Variants in FMNL2 observed in about 807,000 individuals in gnomAD.
FMNL2 encodes formin like 2.
In FMNL2, 51 loss-of-function variants were observed where a neutral mutation model predicts 130.2. The ratio of observed to expected loss-of-function variants is 0.39; its 90% confidence interval spans 0.31 to 0.49. The LOEUF (loss-of-function observed/expected upper bound fraction) is 0.49. Ranked by LOEUF, FMNL2 falls within the 20% of genes least tolerant of loss-of-function variation. The pLI is 0.85. For missense variants in FMNL2, 977 were observed against 1,316.2 expected, an observed-to-expected ratio of 0.74 and a Z score of 3.99; for synonymous variants, 465 against 467.1, an observed-to-expected ratio of 1.00 and a Z score of 0.06.
At chr2:152,390,654 T>C in intron 1 of FMNL2, 1 of 821,462 alleles carries the variant, frequency 1.2e-6, no homozygotes, top group Admixed American at 1.7e-5. Context: ...TTTTCCTCCC[T>C]GAACTCTTGG....
At chr2:152,625,097 T>C (rs1376340704) in intron 15 of FMNL2, 4 of 213,956 alleles carry the variant, frequency 1.9e-5, no homozygotes, top group Non-Finnish European at 2.8e-5. Flanking sequence ...TGAGTAATAA[T>C]CTTTGCTCTC....
At chr2:152,620,716 G>A (rs76439635) in intron 15 of FMNL2, among the ~76,000 whole-genome samples, 1,640 of 152,226 alleles carry the variant, frequency 0.011, 17 homozygotes, top group Non-Finnish European at 0.02. Flanking sequence ...TCCCTTCCAG[G>A]ATCCCATCTG....
intron 1 of FMNL2, among the ~76,000 whole-genome samples, chr2:152,362,620 T>G (rs1683246109): frequency 6.6e-6 from 1 of 152,002 alleles, no homozygotes; most frequent in Admixed American, 6.6e-5. Flanking sequence ...CAGAAGGTCC[T>G]GAGTGCCTTG....
intron 1 of FMNL2, among the ~76,000 whole-genome samples, chr2:152,504,049 G>A (rs1692008879): frequency 6.6e-6 from 1 of 152,130 alleles, no homozygotes; most frequent in African/African-American, 2.4e-5. Flanking sequence ...AAATTAGCCG[G>A]GCGTGGTGGC....
chr2:152,578,348 T>C (rs1333273627), intron 7 of FMNL2, among the ~76,000 whole-genome samples: 2 of 152,208 alleles, frequency 1.3e-5, no homozygotes. Flanking sequence ...AACACACATT[T>C]TGTATGTTAT....
intron 1 of FMNL2, among the ~76,000 whole-genome samples, chr2:152,391,524 T>A (rs1421507289): frequency 2.6e-5 from 4 of 152,004 alleles, no homozygotes; most frequent in Non-Finnish European, 5.9e-5. Flanking sequence ...AAGGGCAGCA[T>A]GCAGGAAGTC....
At chr2:152,359,494 T>TTTTC (rs1553866944) in intron 1 of FMNL2, among the ~76,000 whole-genome samples, 5 of 147,948 alleles carry the variant, frequency 3.4e-5, no homozygotes, top group East Asian at 4.0e-4. Flanking sequence ...TTTTTTTTTT[T>TTTTC]CACATAACAG....
intron 7 of FMNL2, chr2:152,578,620 C>A: frequency 1.2e-5 from 2 of 169,448 alleles, no homozygotes; most frequent in Admixed American, 7.6e-5. Flanking sequence ...AGATGTGGGT[C>A]TTGTTGTCCT....
At chr2:152,430,633 G>C (rs1409908634) in intron 1 of FMNL2, among the ~76,000 whole-genome samples, 2 of 152,176 alleles carry the variant, frequency 1.3e-5, no homozygotes, top group African/African-American at 4.8e-5. Context: ...AGCATTTTGG[G>C]AGGCCGAGGT....
At position 152,627,353 on chromosome 2, in the gene FMNL2, C is replaced by A. The variant is rs562134609; in HGVS notation, c.2165+626C>A. On this transcript the variant is annotated intron_variant, in intron 17 of 25. Coordinates refer to ENST00000288670, the MANE Select transcript of FMNL2 (RefSeq NM_052905.4). ...GGTTTTACTCCTCTATTAGAAGAATCCTTCTATTCTTCTTGTGGCCATGGT... is the reference window on the plus strand; with the variant it reads ...GGTTTTACTCCTCTATTAGAAGAATACTTCTATTCTTCTTGTGGCCATGGT... 9.2e-5 allele frequency among the ~76,000 whole-genome samples: 14 copies of A among 151,688 alleles called. 1 individual carries two copies. The East Asian group carries it at 1.8e-3, about 19-fold the overall frequency.
chr2:152,649,403 A>T lies in FMNL2; in HGVS notation c.*1498A>T, dbSNP rs1265537726. On this transcript the variant is annotated 3_prime_UTR_variant, in exon 26 of 26. Coordinates refer to ENST00000288670, the MANE Select transcript of FMNL2 (RefSeq NM_052905.4). ...TTTTTTTTAATATATATATTTAACT[A>T]TAAGGACAGTTTAGGGAACAAGTTA... 2 of 152,490 alleles carry T rather than the reference A, an allele frequency of 1.3e-5. No homozygotes were observed. Among genetic ancestry groups the T allele is most frequent in the Admixed American group, 1.3e-4 (2 of 15,264 alleles). 9.4% of individuals were successfully genotyped at this position (152,490 alleles called of 1,614,324 possible).
chr2:152,523,013 C>T (rs16831280), intron 2 of FMNL2, among the ~76,000 whole-genome samples: 3,262 of 152,060 alleles, frequency 0.021, 115 homozygotes, highest in African/African-American at 0.076. Flanking sequence ...GCCCCAATGC[C>T]GTGTGCACGC....
intron 1 of FMNL2, among the ~76,000 whole-genome samples, chr2:152,502,331 T>G (rs1558918325): frequency 6.6e-6 from 1 of 152,248 alleles, no homozygotes; most frequent in Non-Finnish European, 1.5e-5. Flanking sequence ...TTATAACATT[T>G]ATTTTTCACA....
At chr2:152,525,937 C>A (rs1558937764) in intron 2 of FMNL2, among the ~76,000 whole-genome samples, 1 of 152,090 alleles carries the variant, frequency 6.6e-6, no homozygotes, top group Non-Finnish European at 1.5e-5. Flanking sequence ...TTTTTAAACC[C>A]TTTACTTGTG....
At chr2:152,619,859 G>C in intron 15 of FMNL2, 141 bp downstream of exon 15, 1 of 1,446,192 alleles carries the variant, frequency 6.9e-7, no homozygotes. Flanking sequence ...TGCTGATGTA[G>C]CCGATAGAGG....
In FMNL2 at chr2:152,447,115, G is replaced by A. The variant is rs13404820; in HGVS notation, c.118-74828G>A. 4.7e-3 allele frequency among the ~76,000 whole-genome samples: 677 copies of A among 143,486 alleles called. 7 individuals are homozygous for A. Among genetic ancestry groups the A allele is most frequent in the South Asian group, 0.018 (80 of 4,514 alleles). 94.1% of individuals were successfully genotyped at this position (143,486 alleles called of 152,430 possible). ...GAATAAACTCACTTTTTTTTTTTTTGGAGACAAGTTTCTTACTTTGTTGCC... is the reference window on the plus strand; with the variant it reads ...GAATAAACTCACTTTTTTTTTTTTTAGAGACAAGTTTCTTACTTTGTTGCC... On this transcript the variant is annotated intron_variant, in intron 1 of 25. Coordinates refer to ENST00000288670, the MANE Select transcript of FMNL2 (RefSeq NM_052905.4).
chr2:152,499,993 G>A (rs1691722913), intron 1 of FMNL2, among the ~76,000 whole-genome samples: 1 of 152,068 alleles, frequency 6.6e-6, no homozygotes, highest in Admixed American at 6.5e-5. Flanking sequence ...AAGTCTGTCT[G>A]CTTTCTCTTT....
At chr2:152,388,891 G>T (rs879083394) in intron 1 of FMNL2, among the ~76,000 whole-genome samples, 2 of 152,160 alleles carry the variant, frequency 1.3e-5, no homozygotes, top group Non-Finnish European at 2.9e-5. Context: ...TAGAACTCAT[G>T]ACTGTTTAAA....
At chr2:152,543,729 CAAAA>C (rs71394490) in intron 3 of FMNL2, among the ~76,000 whole-genome samples, 1 of 61,390 alleles carries the variant, frequency 1.6e-5, no homozygotes. Context: ...ACCCCCCGAC[CAAAA>C]AAAAAAAAAA....
Sources: gnomAD v4.1 joint callset for allele counts (sites outside exome capture counted in the v4.1 genomes callset) on GRCh38, gnomAD v4.1.1 for gene constraint, MANE v1.5 for transcripts, NCBI Gene and HGNC (gene_info 2026-07-23, HGNC 2026-07-21) for gene names.